The following APOO variants were observed in gnomAD, a reference collection of about 807,000 sequenced individuals.
The protein encoded by APOO is apolipoprotein O.
In APOO, 11 loss-of-function variants were observed where a neutral mutation model predicts 23.1. That is an observed-to-expected ratio of 0.48 (90% CI 0.30 to 0.79). APOO has a LOEUF of 0.79. Among genes scored for constraint, APOO ranks in the 30% least tolerant of loss-of-function variants. APOO has a pLI of 0.07. For missense variants in APOO, 160 were observed against 142.7 expected, an observed-to-expected ratio of 1.12 and a Z score of -0.62; for synonymous variants, 59 against 54.8, an observed-to-expected ratio of 1.08 and a Z score of -0.34.
chrX:23,836,782 T>A (rs767216295), intron 8 of APOO: 18 of 956,613 alleles, frequency 1.9e-5, no homozygotes, highest in Non-Finnish European at 2.6e-5. Flanking sequence ...TTCAGAGACA[T>A]AGATACCATC....
intron 4 of APOO, among the ~76,000 whole-genome samples, chrX:23,870,108 T>C: frequency 1.8e-5 from 2 of 111,764 alleles, no homozygotes; most frequent in Middle Eastern, 4.6e-3. Flanking sequence ...TTGATCGCTG[T>C]TGATGGTGAT....
At chrX:23,878,056 T>C (rs756240760) in intron 3 of APOO, among the ~76,000 whole-genome samples, 78 of 111,948 alleles carry the variant, frequency 7.0e-4, no homozygotes, top group African/African-American at 2.3e-3. Context: ...ATGTAGTTCT[T>C]TGGTCACTAG....
Position 23,907,750 on chromosome X carries a change from G to A in APOO, c.-48C>T. On this transcript the variant is annotated 5_prime_UTR_variant, in exon 1 of 9. Coordinates refer to ENST00000379226, the MANE Select transcript of APOO (RefSeq NM_024122.5). ...GCAGGGTCACCCCGGCCTCGGCCAC[G>A]CCCACTATAGAGAGGTGACTACGGA... The A allele has an allele frequency of 8.7e-7, 1 of 1,153,903 alleles. No homozygotes were observed. Among genetic ancestry groups the A allele is most frequent in the Admixed American group, 2.7e-5 (1 of 37,605 alleles).
intron 5 of APOO, among the ~76,000 whole-genome samples, chrX:23,860,414 C>T (rs999253168): frequency 3.6e-5 from 4 of 110,810 alleles, no homozygotes; most frequent in African/African-American, 1.3e-4. Context: ...TGTGGTGGCT[C>T]ACACCTGTAA....
At chrX:23,845,204 A>C (rs1924175899) in intron 7 of APOO, among the ~76,000 whole-genome samples, 1 of 112,352 alleles carries the variant, frequency 8.9e-6, no homozygotes, top group Non-Finnish European at 1.9e-5. Context: ...TTTGGTAAAT[A>C]ATGGTGTTTT....
chrX:23,904,643 A>G (rs1174166416), intron 1 of APOO, among the ~76,000 whole-genome samples: 1 of 108,635 alleles, frequency 9.2e-6, no homozygotes, highest in Non-Finnish European at 1.9e-5. Context: ...AGTAGCTGAG[A>G]CTACAGGCAC....
chrX:23,898,055 C>CA (rs199648547), intron 1 of APOO, among the ~76,000 whole-genome samples: 11,303 of 98,566 alleles, frequency 0.11, 849 homozygotes, highest in East Asian at 0.5. Flanking sequence ...GGCTCTGTCT[C>CA]AAAAAAAAAA....
At chrX:23,840,655 C>G (rs1923925499) in intron 7 of APOO, 2 of 217,541 alleles carry the variant, frequency 9.2e-6, no homozygotes, top group Non-Finnish European at 1.6e-5. Flanking sequence ...GAGGGCCCTA[C>G]TGTAGAGTGA....
At chrX:23,835,842 T>A (rs189010385) in intron 8 of APOO, among the ~76,000 whole-genome samples, 2 of 112,311 alleles carry the variant, frequency 1.8e-5, no homozygotes, top group Non-Finnish European at 3.8e-5. Flanking sequence ...ATGGATACAT[T>A]CGGCCACAGC....
chrX:23,877,383 G>A (rs1925906622), intron 3 of APOO, among the ~76,000 whole-genome samples: 1 of 112,234 alleles, frequency 8.9e-6, no homozygotes, highest in South Asian at 3.6e-4. Context: ...TGTTGATAGA[G>A]TCCATGCTTT....
At chrX:23,871,855 T>C (rs1925636381) in intron 4 of APOO, among the ~76,000 whole-genome samples, 1 of 111,842 alleles carries the variant, frequency 8.9e-6, no homozygotes, top group Admixed American at 9.6e-5. Flanking sequence ...AACTCAGCAA[T>C]TCTGTCCCCT....
intron 1 of APOO, among the ~76,000 whole-genome samples, chrX:23,902,223 G>T (rs1201766219): frequency 8.9e-6 from 1 of 111,828 alleles, no homozygotes; most frequent in Non-Finnish European, 1.9e-5. Context: ...ATCGTTAACG[G>T]ACCTTTAATG....
At chrX:23,893,147 G>A (rs1926743474) in intron 1 of APOO, among the ~76,000 whole-genome samples, 1 of 109,670 alleles carries the variant, frequency 9.1e-6, no homozygotes. Flanking sequence ...GCCGGGCGCG[G>A]TGGCTCACGC....
At chrX:23,842,908 T>A (rs1320332188) in intron 7 of APOO, among the ~76,000 whole-genome samples, 1 of 111,701 alleles carries the variant, frequency 9.0e-6, no homozygotes, top group East Asian at 2.8e-4. Flanking sequence ...CTCGGGAGGC[T>A]GAAGCAGGAG....
At chrX:23,878,374 A>G (rs1162465683) in intron 3 of APOO, among the ~76,000 whole-genome samples, 2 of 111,927 alleles carry the variant, frequency 1.8e-5, no homozygotes, top group Non-Finnish European at 3.8e-5. Context: ...TAGCTGTGGC[A>G]ACAGCTGTCA....
At chrX:23,862,781 A>AAAGAG (rs200332846) in intron 5 of APOO, among the ~76,000 whole-genome samples, 1,115 of 95,772 alleles carry the variant, frequency 0.012, 26 homozygotes, top group African/African-American at 0.04. Context: ...CTCAGAAAGA[A>AAAGAG]AAGAGAAGAG....
At position 23,867,628 on chromosome X, in the gene APOO, C is replaced by T. The variant is rs146101520; in HGVS notation, c.388+965G>A. 1.5e-3 allele frequency among the ~76,000 whole-genome samples: 165 copies of T among 111,517 alleles called. 5 individuals carry two copies. In the East Asian group the frequency reaches 0.037, roughly 25 times the overall value. On this transcript the variant is annotated intron_variant, in intron 5 of 8. Transcript: ENST00000379226. Reference sequence around the variant, plus strand: ...CTCGAACTCAGCTCACTGCAAGCCCCGTCTCCCAGGTTCACACCGTTCTCC... The same window carrying T: ...CTCGAACTCAGCTCACTGCAAGCCCTGTCTCCCAGGTTCACACCGTTCTCC...
chrX:23,836,365 A>C (rs1357170032), intron 8 of APOO, among the ~76,000 whole-genome samples: 1 of 108,738 alleles, frequency 9.2e-6, no homozygotes, highest in East Asian at 2.9e-4. Flanking sequence ...CCCAGGCTGG[A>C]GTGCAGTGGC....
rs752031176 is a variant in APOO, at chrX:23,877,913, T to TCAAAGCCTAC, written c.237+992_237+1001dup. ...AGATCAAGTACAACAAACATATGTA[T>TCAAAGCCTAC]CAAAGCCTACAAAAGCATTCTATAG... is the stretch of plus-strand genomic sequence containing the variant. On this transcript the variant is annotated intron_variant, in intron 3 of 8. Coordinates refer to ENST00000379226, the MANE Select transcript of APOO (RefSeq NM_024122.5). Among the ~76,000 whole-genome samples, 3 of 112,415 alleles carry TCAAAGCCTAC rather than the reference T, an allele frequency of 2.7e-5. No homozygotes were observed. In the South Asian group the frequency reaches 1.1e-3, roughly 41 times the overall value.
Sources: allele counts gnomAD v4.1 joint callset (sites outside exome capture counted in the v4.1 genomes callset), GRCh38; gene constraint gnomAD v4.1.1; transcripts MANE v1.5; gene names NCBI Gene and HGNC (gene_info 2026-07-23, HGNC 2026-07-21).